The following SCUBE2 variants were observed in gnomAD, a reference collection of about 807,000 sequenced individuals.
The protein encoded by SCUBE2 is signal peptide, CUB domain and EGF like domain containing 2.
SCUBE2 carries 114 observed loss-of-function variants against 125.9 expected under a neutral mutation model. That is an observed-to-expected ratio of 0.91 (90% CI 0.78 to 1.06). The LOEUF (loss-of-function observed/expected upper bound fraction) is 1.06, where lower values mean the gene tolerates loss of function less well. Among genes scored for constraint, SCUBE2 ranks in the 50% least tolerant of loss-of-function variants. The pLI, the probability that SCUBE2 is intolerant of heterozygous loss-of-function variation, is 0.00. For missense variants in SCUBE2, 1,255 were observed against 1,301.8 expected (o/e 0.96, Z 0.55); for synonymous variants, 459 against 492.9 (o/e 0.93, Z 0.91).
intron 10 of SCUBE2, 60 bp downstream of exon 10, chr11:9,055,733 C>T: frequency 2.2e-6 from 3 of 1,366,904 alleles, no homozygotes; most frequent in Non-Finnish European, 3.1e-6. Context: ...GGGGTAGGCC[C>T]TGCTCCCCTC....
rs1350350070 is a variant in SCUBE2 at position 9,020,272 on chromosome 11, G to A, written c.*773C>T. ...TTCACCTGAACTCCCCAGTCCCTCA[G>A]GCAATGGCCAGCAGAGTGTCAGAGG... On this transcript the variant is annotated 3_prime_UTR_variant, in exon 23 of 23. Coordinates refer to ENST00000649792, the MANE Select transcript of SCUBE2 (RefSeq NM_001367977.2). The A allele has an allele frequency of 6.6e-6, 1 of 152,312 alleles. No homozygotes were observed. Among genetic ancestry groups the A allele is most frequent in the Non-Finnish European group, 1.5e-5 (1 of 68,044 alleles). The allele number at this position is 152,312 out of a possible 1,614,324, so 9.4% of individuals were successfully genotyped here. A position where few individuals can be genotyped will look rare whatever the true frequency, so the allele number is the denominator to read the frequency against.
At position 9,033,684 on chromosome 11, in the gene SCUBE2, T is replaced by A. The variant is rs1856511875; in HGVS notation, c.2115A>T (p.Arg705Ser). ...EGQMTCEPCP[R>S]PGNSGALKTP... ...TCTTCAGGGCCCCAGAATTTCCTGGTCTTGGGCATGGTTCACAAGTCATTT... is the reference window on the plus strand; with the variant it reads ...TCTTCAGGGCCCCAGAATTTCCTGGACTTGGGCATGGTTCACAAGTCATTT... The change falls in exon 17 of 23, where the codon AGA (arginine) becomes AGT (serine). Residue 705 changes from arginine (R) to serine (S), a missense_variant. Physicochemically the swap from Arg to Ser is moderately radical, Grantham distance 110. Around this residue, in one of 3 missense-constraint regions of SCUBE2, gnomAD observed 515 missense variants for 515.7 expected, o/e 1.00. Coordinates refer to ENST00000649792, the MANE Select transcript of SCUBE2 (RefSeq NM_001367977.2). The A allele has an allele frequency of 6.2e-7, 1 of 1,614,152 alleles. No homozygotes were observed. The highest frequency in any genetic ancestry group is 1.3e-5 in the African/African-American group (1 of 75,040).
intron 17 of SCUBE2, 57 bp from the exon 18 acceptor site, chr11:9,030,982 A>C: frequency 6.5e-7 from 1 of 1,533,454 alleles, no homozygotes; most frequent in Non-Finnish European, 8.8e-7. Context: ...CTTGCTCCCC[A>C]CTCTCCAAAT....
At chr11:9,022,145 C>T (rs1045702840) in intron 21 of SCUBE2, 190 bp from the exon 22 acceptor site, 66 of 549,138 alleles carry the variant, frequency 1.2e-4, no homozygotes, top group Non-Finnish European at 2.0e-4. Context: ...CACCTACCAG[C>T]ATCTGCACCC....
chr11:9,048,246 C>T (rs1858003342), intron 14 of SCUBE2, 148 bp from the exon 15 acceptor site: 1 of 701,648 alleles, frequency 1.4e-6, no homozygotes, highest in South Asian at 2.7e-5. Flanking sequence ...AAGCCCTTAA[C>T]TTGGAGCACA....
intron 2 of SCUBE2, among the ~76,000 whole-genome samples, chr11:9,085,008 A>G (rs1317123254): frequency 6.6e-6 from 1 of 152,066 alleles, no homozygotes; most frequent in Admixed American, 6.6e-5. Context: ...TGGCATCTCA[A>G]AGTGTTAGGA....
At chr11:9,044,881 CTT>C (rs1192137735) in intron 16 of SCUBE2, among the ~76,000 whole-genome samples, 1 of 152,212 alleles carries the variant, frequency 6.6e-6, no homozygotes, top group Non-Finnish European at 1.5e-5. Context: ...CCAAATGACA[CTT>C]TGTAATGAGG....
chr11:9,082,450 G>C (rs1277111898), intron 2 of SCUBE2, among the ~76,000 whole-genome samples: 1 of 152,072 alleles, frequency 6.6e-6, no homozygotes, highest in Non-Finnish European at 1.5e-5. Flanking sequence ...TACAACATAT[G>C]ACCCAGCAAT....
intron 3 of SCUBE2, 73 bp downstream of exon 3, chr11:9,079,311 G>A: frequency 6.3e-7 from 1 of 1,574,810 alleles, no homozygotes. Flanking sequence ...GTCTTCATGA[G>A]GAGGTCTTCA....
In SCUBE2 at chr11:9,077,468, C is replaced by T. The variant is rs187698664; in HGVS notation, c.382+1916G>A. On this transcript the variant is annotated intron_variant, in intron 3 of 22. Transcript: ENST00000649792. ...ATCTTGAAGTGCTCTGTGTTTAGTG[C>T]CAAAGCTTAGTGGTGTTTGTACCTT... 2.2e-3 allele frequency among the ~76,000 whole-genome samples: 334 copies of T among 152,270 alleles called. 1 individual carries two copies. The highest frequency in any genetic ancestry group is 7.8e-3 in the African/African-American group (325 of 41,554).
chr11:9,072,813 T>C (rs1860913616), intron 4 of SCUBE2, among the ~76,000 whole-genome samples: 1 of 152,210 alleles, frequency 6.6e-6, no homozygotes, highest in South Asian at 2.1e-4. Context: ...GATCCAAGAA[T>C]GTCTGAATTG....
At chr11:9,045,807 A>T (rs1281879688) in intron 16 of SCUBE2, among the ~76,000 whole-genome samples, 2 of 152,048 alleles carry the variant, frequency 1.3e-5, no homozygotes, top group Admixed American at 6.6e-5. Flanking sequence ...AAAATCTTCA[A>T]CATTGCTGTC....
rs193267714 is a variant in SCUBE2 at position 9,085,133 on chromosome 11, G to C, written c.256+4574C>G. Among the ~76,000 whole-genome samples, 245 of 152,300 alleles carry C rather than the reference G, an allele frequency of 1.6e-3. 1 individual carries two copies. Among genetic ancestry groups the C allele is most frequent in the African/African-American group, 5.7e-3 (238 of 41,546 alleles). ...CAATGTCAGGAAAGACTGAGGAACT[G>C]TCACAGACTGGAGGAGACAAGAGAC... On this transcript the variant is annotated intron_variant, in intron 2 of 22. Transcript: ENST00000649792.
intron 14 of SCUBE2, 119 bp from the exon 15 acceptor site, chr11:9,048,217 C>T (rs1213586743): frequency 1.0e-6 from 1 of 999,140 alleles, no homozygotes; most frequent in African/African-American, 1.6e-5. Context: ...GTGATTATCT[C>T]CAGATGCCAA....
intron 3 of SCUBE2, among the ~76,000 whole-genome samples, chr11:9,077,533 A>G (rs1288584414): frequency 6.6e-6 from 1 of 152,204 alleles, no homozygotes; most frequent in Non-Finnish European, 1.5e-5. Context: ...ATGTGTGGTT[A>G]GGAGGCTGAG....
intron 10 of SCUBE2, among the ~76,000 whole-genome samples, chr11:9,054,711 A>G (rs1858841984): frequency 1.5e-5 from 1 of 67,192 alleles, no homozygotes; most frequent in African/African-American, 6.0e-5. Context: ...GTATATATAT[A>G]TATATATATA....
intron 3 of SCUBE2, among the ~76,000 whole-genome samples, chr11:9,076,032 G>A (rs1185821914): frequency 6.6e-6 from 1 of 152,250 alleles, no homozygotes; most frequent in African/African-American, 2.4e-5. Flanking sequence ...GCTAGGTCCA[G>A]TAGGCAGTGG....
chr11:9,027,013 G>C, intron 20 of SCUBE2: 1 of 274,722 alleles, frequency 3.6e-6, no homozygotes, highest in Non-Finnish European at 7.0e-6. Flanking sequence ...GGCCAGGCTC[G>C]GTCAGTCTCC....
Position 9,052,841 on chromosome 11 carries a change from C to T in SCUBE2, c.1448-9G>A, listed in dbSNP as rs758687463. 2.6e-6 allele frequency: 4 copies of T among 1,533,154 alleles called. No individual in the cohort carries two copies. Among genetic ancestry groups the T allele is most frequent in the Non-Finnish European group, 2.6e-6 (3 of 1,143,300 alleles). The allele number at this position is 1,533,154 out of a possible 1,614,324, so 95.0% of individuals were successfully genotyped here. A position where few individuals can be genotyped will look rare whatever the true frequency, so the allele number is the denominator to read the frequency against. ...GTAGGCCCCTTGCAGTCCTGACAGACAGAATGTCAATTGTCAAATGCATAA... is the reference window on the plus strand; with the variant it reads ...GTAGGCCCCTTGCAGTCCTGACAGATAGAATGTCAATTGTCAAATGCATAA... On this transcript the variant is annotated splice_polypyrimidine_tract_variant and intron_variant, in intron 12 of 22. Transcript: ENST00000649792.
Sources: gnomAD v4.1 joint callset for allele counts (sites outside exome capture counted in the v4.1 genomes callset) on GRCh38, gnomAD v4.1.1 for gene constraint, gnomAD v4.1.1 regional missense constraint, MANE v1.5 for transcripts, NCBI Gene and HGNC (gene_info 2026-07-23, HGNC 2026-07-21) for gene names.